AP3D1: variants seen among roughly 807,000 people sequenced by gnomAD.
The protein encoded by AP3D1 is adaptor related protein complex 3 subunit delta 1, also known as AP-3 complex subunit delta-1.
Under a neutral mutation model 147.6 loss-of-function variants are expected in AP3D1, and 51 were observed. The ratio of observed to expected loss-of-function variants is 0.35; its 90% CI spans 0.28 to 0.44. AP3D1 has a LOEUF of 0.44. Among genes scored for constraint, AP3D1 ranks in the 20% least tolerant of loss-of-function variants. The probability of loss-of-function intolerance (pLI) is 1.00; values close to 1 mark genes in which losing one functional copy is unlikely to be tolerated. For synonymous variants in AP3D1, 760 were observed against 663.0 expected (o/e 1.15, Z -2.25); for missense variants, 1,421 against 1,624.2 (o/e 0.87, Z 2.15).
At chr19:2,126,979 C>A (rs1411125758) in intron 9 of AP3D1, among the ~76,000 whole-genome samples, 173 bp downstream of exon 9, 1 of 152,194 alleles carries the variant, frequency 6.6e-6, no homozygotes, top group East Asian at 1.9e-4. Context: ...ACCTTGACAG[C>A]AGAGGCCTGG....
At chr19:2,150,194 G>T (rs561438193) in intron 1 of AP3D1, among the ~76,000 whole-genome samples, 1 of 152,294 alleles carries the variant, frequency 6.6e-6, no homozygotes, top group South Asian at 2.1e-4. Context: ...TGGGCACCTC[G>T]TCCTGGACAC....
chr19:2,125,631 T>C (rs139068811), intron 9 of AP3D1, among the ~76,000 whole-genome samples: 1 of 152,138 alleles, frequency 6.6e-6, no homozygotes, highest in East Asian at 1.9e-4. Flanking sequence ...GAGTGTTATG[T>C]GAATATAAAA....
chr19:2,111,838 G>A lies in AP3D1; in HGVS notation c.2788-10C>T, dbSNP rs1262115650. 5 of 1,613,412 alleles carry A rather than the reference G, an allele frequency of 3.1e-6. No individual in the cohort carries two copies. The highest frequency in any genetic ancestry group is 2.2e-5 in the East Asian group (1 of 44,862). ...TAGGCTTGGGAGATTTCTGGAGCAA[G>A]AGGAGGGTCGGGTTCAGTGCCCAGG... On this transcript the variant is annotated splice_polypyrimidine_tract_variant and intron_variant, in intron 24 of 31. Coordinates refer to ENST00000643116, the MANE Select transcript of AP3D1 (RefSeq NM_001261826.3).
At chr19:2,153,978 C>T (rs868266075), upstream of AP3D1, among the ~76,000 whole-genome samples, 1 of 79,632 alleles carries the variant, frequency 1.3e-5, no homozygotes, top group Admixed American at 1.3e-4. Flanking sequence ...GACAGAGTCT[C>T]GCTCTGTTGC....
chr19:2,111,209 T>C (rs2018265204), intron 26 of AP3D1, 76 bp downstream of exon 26: 1 of 1,563,124 alleles, frequency 6.4e-7, no homozygotes, highest in Non-Finnish European at 8.8e-7. Context: ...CTGTGGGGGC[T>C]GCCCGGGTTC....
chr19:2,132,491 C>T lies in AP3D1; in HGVS notation c.442G>A (p.Ala148Thr). 1.2e-6 allele frequency: 2 copies of T among 1,608,126 alleles called. No homozygotes were observed. The highest frequency in any genetic ancestry group is 1.7e-6 in the Non-Finnish European group (2 of 1,175,116). The change falls in exon 5 of 32, where the codon GCA becomes ACA. Residue 148 changes from alanine to threonine, a missense_variant. Ala to Thr is a moderately conservative substitution (Grantham distance 58). Around this residue, in one of 6 missense-constraint regions of AP3D1, gnomAD observed 292 missense variants for 412.0 expected, o/e 0.71. Coordinates refer to ENST00000643116, the MANE Select transcript of AP3D1 (RefSeq NM_001261826.3). ...FVTPDLARDLANDIMTLMSHT... is the reference protein window; with the variant it reads ...FVTPDLARDLTNDIMTLMSHT... ...CTCACCAGTGTCATGATGTCATTTGCCAGGTCTCTGGCAAGGTCTGGGGTG... is the reference window on the plus strand; with the variant it reads ...CTCACCAGTGTCATGATGTCATTTGTCAGGTCTCTGGCAAGGTCTGGGGTG...
chr19:2,131,550 C>T (rs2018944551), intron 5 of AP3D1, among the ~76,000 whole-genome samples: 1 of 133,310 alleles, frequency 7.5e-6, no homozygotes. Flanking sequence ...GGTGGACAGG[C>T]AGCCACGCGG....
chr19:2,110,981 G>A (rs1197436198), intron 26 of AP3D1, 85 bp from the exon 27 acceptor site: 20 of 1,426,580 alleles, frequency 1.4e-5, no homozygotes, highest in Non-Finnish European at 1.7e-5. Context: ...TGACCACAGA[G>A]GCAGCAGGGG....
At chr19:2,155,360 CA>C (rs112377403), upstream of AP3D1, among the ~76,000 whole-genome samples, 3 of 137,974 alleles carry the variant, frequency 2.2e-5, no homozygotes, top group Admixed American at 7.3e-5. Flanking sequence ...GACTCCATCT[CA>C]AAAAAAAAAC....
In AP3D1 at chr19:2,121,717, G is replaced by A. The variant is rs368316581; in HGVS notation, c.1101+17C>T. The stretch of plus-strand genomic sequence containing the variant: ...AACTAAGGCCAGGCGGGCGGGCGGC[G>A]GACAGAGGGCACGCACCATCCCATA... On this transcript the variant is annotated intron_variant, in intron 12 of 31. Coordinates refer to ENST00000643116, the MANE Select transcript of AP3D1 (RefSeq NM_001261826.3). The A allele has an allele frequency of 1.7e-4, 263 of 1,559,828 alleles. No individual in the cohort carries two copies. The African/African-American group carries it at 1.7e-3, about 10-fold the overall frequency.
intron 1 of AP3D1, among the ~76,000 whole-genome samples, chr19:2,160,698 G>T (rs2019689787): frequency 6.6e-6 from 1 of 152,160 alleles, no homozygotes; most frequent in South Asian, 2.1e-4. Context: ...TGAGGATATA[G>T]ATAGAGTGCC....
chr19:2,112,165 T>A (rs1451785275), intron 24 of AP3D1: 1 of 370,508 alleles, frequency 2.7e-6, no homozygotes, highest in East Asian at 5.8e-5. Context: ...AACACACACA[T>A]CCACGCGCAC....
Position 2,114,902 on chromosome 19 carries a change from A to G in AP3D1, c.2350-81T>C. ...CGCCATCTATCTGGGACGCAGTGGG[A>G]CTGCCCATGCGGGCCACACGCACAG... On this transcript the variant is annotated intron_variant, in intron 20 of 31. Coordinates refer to ENST00000643116, the MANE Select transcript of AP3D1 (RefSeq NM_001261826.3). 2.7e-6 allele frequency: 4 copies of G among 1,482,674 alleles called. No homozygotes were observed. In the South Asian group the frequency reaches 4.6e-5, roughly 17 times the overall value. 91.8% of individuals were successfully genotyped at this position (1,482,674 alleles called of 1,614,324 possible).
intron 3 of AP3D1, 32 bp from the exon 4 acceptor site, chr19:2,137,123 A>T: frequency 3.2e-6 from 5 of 1,545,996 alleles, no homozygotes; most frequent in Non-Finnish European, 3.5e-6. Context: ...CATCAGAGGC[A>T]GGACACCCGC....
At chr19:2,147,243 G>C (rs2019380302) in intron 1 of AP3D1, among the ~76,000 whole-genome samples, 1 of 151,780 alleles carries the variant, frequency 6.6e-6, no homozygotes, top group African/African-American at 2.4e-5. Context: ...TACTAGGGAG[G>C]CTGAGGCAGG....
intron 23 of AP3D1, 37 bp downstream of exon 23, chr19:2,113,299 C>T (rs1356591415): frequency 2.5e-6 from 3 of 1,187,848 alleles, no homozygotes. Flanking sequence ...CCTCTGCAGA[C>T]ACCGAGGCTG....
In AP3D1 at chr19:2,137,774, C is replaced by A. The variant is rs777383328; in HGVS notation, c.226G>T (p.Ala76Ser). The change falls in exon 3 of 32, where the codon GCC becomes TCC. Residue 76 changes from alanine (A) to serine (S), a missense_variant. Ala to Ser is a moderately conservative substitution (Grantham distance 99). Transcript: ENST00000643116. The stretch of plus-strand genomic sequence containing the variant: ...CTCATCACTTCTATGATGTTGAAGG[C>A]GGCCCAGCTGATGTCGTATCCCAAC... ...QMLGYDISWA[A>S]FNIIEVMSAS... The A allele has an allele frequency of 1.2e-6, 2 of 1,614,028 alleles. No homozygotes were observed. Among genetic ancestry groups the A allele is most frequent in the Admixed American group, 1.7e-5 (1 of 60,016 alleles).
chr19:2,123,809 C>T (rs2018676350), intron 10 of AP3D1, 21 bp downstream of exon 10: 2 of 1,559,894 alleles, frequency 1.3e-6, no homozygotes, highest in South Asian at 2.4e-5. Flanking sequence ...CCCCATGGGC[C>T]CCGCCCAGTG....
chr19:2,114,622 G>GCCCCC, intron 21 of AP3D1, 126 bp downstream of exon 21: 28 of 665,702 alleles, frequency 4.2e-5, no homozygotes, highest in East Asian at 1.1e-4. Context: ...TCTGGGGAAG[G>GCCCCC]CCCGCCCGCA....
Sources: gnomAD v4.1 joint callset for allele counts (sites outside exome capture counted in the v4.1 genomes callset) on GRCh38, gnomAD v4.1.1 for gene constraint, gnomAD v4.1.1 regional missense constraint, MANE v1.5 for transcripts, NCBI Gene and HGNC (gene_info 2026-07-23, HGNC 2026-07-21) for gene names.